The following CRISPLD1 variants were observed in gnomAD, a reference collection of about 807,000 sequenced individuals.
The protein encoded by CRISPLD1 is cysteine rich secretory protein LCCL domain containing 1.
In CRISPLD1, 60 loss-of-function variants were observed where a neutral mutation model predicts 77.5. The observed-to-expected ratio is 0.77, with a 90% CI of 0.63 to 0.96. The LOEUF (loss-of-function observed/expected upper bound fraction) is 0.96, where lower values mean the gene tolerates loss of function less well. Ranked by LOEUF, CRISPLD1 falls within the 40% of genes least tolerant of loss-of-function variation. The pLI is 0.00. For missense variants in CRISPLD1, 623 were observed against 615.8 expected (o/e 1.01, Z -0.12); for synonymous variants, 195 against 200.1 (o/e 0.97, Z 0.22).
chr8:75,019,307 A>G (rs948579477), intron 10 of CRISPLD1, among the ~76,000 whole-genome samples: 17 of 152,212 alleles, frequency 1.1e-4, no homozygotes, highest in African/African-American at 4.1e-4. Context: ...TAGATGTTAT[A>G]TAAACCTATT....
intron 10 of CRISPLD1, among the ~76,000 whole-genome samples, chr8:75,019,627 T>C (rs1052728805): frequency 6.6e-6 from 1 of 151,974 alleles, no homozygotes; most frequent in Non-Finnish European, 1.5e-5. Context: ...TGCTATTATC[T>C]ATATGTTTTT....
chr8:75,003,700 A>G (rs1253992690), intron 2 of CRISPLD1, among the ~76,000 whole-genome samples: 2 of 152,298 alleles, frequency 1.3e-5, no homozygotes, highest in South Asian at 2.1e-4. Context: ...AGTACCATCA[A>G]TTATATGATA....
At chr8:74,996,413 A>G (rs891254335) in intron 2 of CRISPLD1, among the ~76,000 whole-genome samples, 3 of 152,190 alleles carry the variant, frequency 2.0e-5, no homozygotes, top group Non-Finnish European at 4.4e-5. Flanking sequence ...GCATTAGTGT[A>G]TAAAAAGTTT....
At chr8:75,018,861 G>A (rs1311002988) in intron 10 of CRISPLD1, among the ~76,000 whole-genome samples, 1 of 152,120 alleles carries the variant, frequency 6.6e-6, no homozygotes, top group African/African-American at 2.4e-5. Flanking sequence ...CATAGTGCCA[G>A]GATTACAGGC....
intron 6 of CRISPLD1, among the ~76,000 whole-genome samples, chr8:75,015,614 C>T (rs1813013974): frequency 6.6e-6 from 1 of 152,054 alleles, no homozygotes. Flanking sequence ...ATAATGTAGA[C>T]GAAGTGTATT....
intron 2 of CRISPLD1, among the ~76,000 whole-genome samples, chr8:75,002,633 G>A (rs1812764856): frequency 6.6e-6 from 1 of 151,958 alleles, no homozygotes; most frequent in South Asian, 2.1e-4. Flanking sequence ...AAGCAGGGTT[G>A]TGTGAGAGGA....
At position 75,021,658 on chromosome 8, in the gene CRISPLD1, G is replaced by T. The variant is rs1191801596; in HGVS notation, c.1244+1579G>T. On this transcript the variant is annotated intron_variant, in intron 12 of 14. Coordinates refer to ENST00000262207, the MANE Select transcript of CRISPLD1 (RefSeq NM_031461.6). ...ATCCTCTTATAAGGCTCACATATTTGATTAGATCATTGTTTGCTCTGTAGT... is the reference window on the plus strand; with the variant it reads ...ATCCTCTTATAAGGCTCACATATTTTATTAGATCATTGTTTGCTCTGTAGT... 2.0e-5 allele frequency among the ~76,000 whole-genome samples: 3 copies of T among 152,148 alleles called. No individual in the cohort carries two copies. In the East Asian group the frequency reaches 5.8e-4, roughly 29 times the overall value.
In CRISPLD1 at chr8:74,986,000, G is replaced by T. The variant is rs1165616521; in HGVS notation, c.13G>T (p.Ala5Ser). The T allele has an allele frequency of 3.1e-6, 5 of 1,613,868 alleles. No homozygotes were observed. The highest frequency in any genetic ancestry group is 3.4e-6 in the Non-Finnish European group (4 of 1,179,830). The change falls in exon 2 of 15, where the codon GCG (alanine) becomes TCG (serine). Residue 5 changes from alanine to serine, a missense_variant. Physicochemically the swap from Ala to Ser is moderately conservative, Grantham distance 99 (BLOSUM62 1). Coordinates refer to ENST00000262207, the MANE Select transcript of CRISPLD1 (RefSeq NM_031461.6). MKCT[A>S]REWLRVTTVL... Reference sequence around the variant, plus strand: ...GAGGTCATTCATTATGAAGTGTACCGCGCGGGAGTGGCTCAGAGTAACCAC... The same window carrying T: ...GAGGTCATTCATTATGAAGTGTACCTCGCGGGAGTGGCTCAGAGTAACCAC...
intron 13 of CRISPLD1, among the ~76,000 whole-genome samples, chr8:75,027,176 A>T (rs1200392268): frequency 6.6e-6 from 1 of 152,164 alleles, no homozygotes; most frequent in Non-Finnish European, 1.5e-5. Context: ...CAAGGGCAGC[A>T]GCTGGGTTAT....
chr8:75,005,483 C>A (rs1430879618), intron 2 of CRISPLD1, among the ~76,000 whole-genome samples: 1 of 152,036 alleles, frequency 6.6e-6, no homozygotes, highest in Non-Finnish European at 1.5e-5. Context: ...ACAATGCATA[C>A]TTTTGTATCT....
At chr8:75,009,582 T>A (rs1375452908) in intron 2 of CRISPLD1, among the ~76,000 whole-genome samples, 4 of 146,496 alleles carry the variant, frequency 2.7e-5, no homozygotes, top group Non-Finnish European at 5.9e-5. Context: ...GAGATTGATA[T>A]ATTAAAAAAA....
chr8:75,005,691 C>T (rs1812816566), intron 2 of CRISPLD1, among the ~76,000 whole-genome samples: 1 of 152,082 alleles, frequency 6.6e-6, no homozygotes, highest in African/African-American at 2.4e-5. Flanking sequence ...GTTAAGCATG[C>T]ACATTTATGT....
At chr8:75,003,074 T>C (rs1241018406) in intron 2 of CRISPLD1, among the ~76,000 whole-genome samples, 1 of 152,218 alleles carries the variant, frequency 6.6e-6, no homozygotes, top group Non-Finnish European at 1.5e-5. Context: ...AAACCGTATG[T>C]TGTTTGTAGC....
intron 2 of CRISPLD1, among the ~76,000 whole-genome samples, chr8:74,994,041 G>A (rs1011775325): frequency 5.3e-5 from 8 of 152,152 alleles, no homozygotes; most frequent in Non-Finnish European, 7.3e-5. Flanking sequence ...GAGGCATTTC[G>A]ACATATGAAT....
intron 12 of CRISPLD1, among the ~76,000 whole-genome samples, chr8:75,024,194 A>G (rs1321666295): frequency 6.6e-6 from 1 of 152,224 alleles, no homozygotes; most frequent in Non-Finnish European, 1.5e-5. Context: ...AAAGTTGGAA[A>G]GGCAGTGAGG....
chr8:74,998,918 CAT>C (rs1812689556), intron 2 of CRISPLD1, among the ~76,000 whole-genome samples: 1 of 151,756 alleles, frequency 6.6e-6, no homozygotes, highest in Non-Finnish European at 1.5e-5. Flanking sequence ...TAATCAAAGA[CAT>C]GTTAGTAACG....
chr8:75,029,403 G>C lies in CRISPLD1; in HGVS notation c.1337G>C (p.Arg446Thr). ...RVYSDLSSIC[R>T]AAVHAGVVRN... ...CCTTCTCAGCTGTCCAGTATCTGCA[G>C]AGCAGCAGTACATGCTGGAGTGGTT... Residue 446 changes from arginine (R) to threonine (T), a missense_variant, in exon 14 of 15, where the codon AGA becomes ACA. Transcript: ENST00000262207. 1 of 1,613,262 alleles carries C rather than the reference G, an allele frequency of 6.2e-7. No individual in the cohort carries two copies. The highest frequency in any genetic ancestry group is 8.5e-7 in the Non-Finnish European group (1 of 1,179,574).
intron 2 of CRISPLD1, among the ~76,000 whole-genome samples, chr8:74,993,686 G>A (rs1812607957): frequency 6.6e-6 from 1 of 152,126 alleles, no homozygotes; most frequent in African/African-American, 2.4e-5. Context: ...ACATATCTAG[G>A]GGTTTAGAAA....
In CRISPLD1 at chr8:75,019,724, T is replaced by C. The variant is rs143771150; in HGVS notation, c.1128-146T>C. ...TAATATGGATTTAGCATAAAACTGA[T>C]GATGTATTCTTATATTGCTACTTGT... On this transcript the variant is annotated intron_variant, in intron 10 of 14. Coordinates refer to ENST00000262207, the MANE Select transcript of CRISPLD1 (RefSeq NM_031461.6). 2.1e-3 allele frequency: 1,342 copies of C among 632,234 alleles called. 9 individuals are homozygous for C. In the African/African-American group the frequency reaches 0.022, roughly 10 times the overall value. The allele number at this position is 632,234 out of a possible 1,614,324, so 39.2% of individuals were successfully genotyped here.
Sources: allele counts gnomAD v4.1 joint callset (sites outside exome capture counted in the v4.1 genomes callset), GRCh38; gene constraint gnomAD v4.1.1; transcripts MANE v1.5; gene names NCBI Gene and HGNC (gene_info 2026-07-23, HGNC 2026-07-21).